MRPL42: variants seen among roughly 807,000 people sequenced by gnomAD.
MRPL42 encodes mitochondrial ribosomal protein L42.
MRPL42 carries 17 observed loss-of-function variants against 17.9 expected under a neutral mutation model. That is an observed-to-expected ratio of 0.95 (90% confidence interval 0.65 to 1.42). MRPL42 has a LOEUF of 1.42. Ranked by LOEUF, MRPL42 falls within the 40% of genes most tolerant of loss-of-function variation. The probability of loss-of-function intolerance (pLI) is 0.00; values close to 1 mark genes in which losing one functional copy is unlikely to be tolerated. For missense variants in MRPL42, 177 were observed against 175.2 expected, an observed-to-expected ratio of 1.01 and a Z score of -0.06; for synonymous variants, 59 against 54.4, an observed-to-expected ratio of 1.08 and a Z score of -0.37.
intron 3 of MRPL42, among the ~76,000 whole-genome samples, chr12:93,478,910 T>TTTTATTTA (rs142505304): frequency 0.012 from 1,086 of 91,468 alleles, 15 homozygotes; most frequent in African/African-American, 0.027. Flanking sequence ...TAATTTTAGC[T>TTTTATTTA]TTTATTTATT....
intron 5 of MRPL42, among the ~76,000 whole-genome samples, chr12:93,489,363 C>CG (rs1565815823): frequency 6.6e-6 from 1 of 151,766 alleles, no homozygotes; most frequent in Non-Finnish European, 1.5e-5. Flanking sequence ...CATAGCCCAT[C>CG]ATTTCCTGTC....
chr12:93,488,365 G>C (rs899605613), intron 5 of MRPL42: 19 of 398,058 alleles, frequency 4.8e-5, no homozygotes, highest in Non-Finnish European at 7.5e-5. Flanking sequence ...CCCTCAGCTG[G>C]GATTGTAAGA....
chr12:93,475,307 G>T (rs929868307), intron 2 of MRPL42, among the ~76,000 whole-genome samples: 3 of 151,704 alleles, frequency 2.0e-5, no homozygotes, highest in African/African-American at 7.3e-5. Flanking sequence ...ATAGAGAGGG[G>T]GTTTCACCAT....
Position 93,514,854 on chromosome 12 carries a change from A to T in MRPL42, c.*13633A>T, listed in dbSNP as rs1953764588. ...TAAAATGTATTACCCAGGACAACAT[A>T]TTTTTTTTTACTGTGGACAGTATAC... On this transcript the variant is annotated 3_prime_UTR_variant, in exon 6 of 6. Transcript: ENST00000549982. 6.6e-6 allele frequency: 1 copy of T among 151,130 alleles called. No homozygotes were observed. The highest frequency in any genetic ancestry group is 1.5e-5 in the Non-Finnish European group (1 of 67,804). 9.4% of individuals were successfully genotyped at this position (151,130 alleles called of 1,614,324 possible).
At position 93,469,183 on chromosome 12, in the gene MRPL42, C is replaced by A; in HGVS notation, c.-94-9C>A. 1 of 840,244 alleles carries A rather than the reference C, an allele frequency of 1.2e-6. No homozygotes were observed. The highest frequency in any genetic ancestry group is 1.9e-6 in the Non-Finnish European group (1 of 530,690). The allele number at this position is 840,244 out of a possible 1,614,324, so 52.0% of individuals were successfully genotyped here. ...AGGTAGCACTGATTTTTCTTTATCT[C>A]TTCAGCAGGAGTAGAAATTGGTATG... On this transcript the variant is annotated splice_polypyrimidine_tract_variant and intron_variant, in intron 1 of 5. Transcript: ENST00000549982.
At position 93,515,792 on chromosome 12, in the gene MRPL42, A is replaced by G. The variant is rs1175067872; in HGVS notation, c.*14571A>G. 5 of 152,240 alleles carry G rather than the reference A, an allele frequency of 3.3e-5. No individual in the cohort carries two copies. In the East Asian group the frequency reaches 5.8e-4, roughly 18 times the overall value. 9.4% of individuals were successfully genotyped at this position (152,240 alleles called of 1,614,324 possible). On this transcript the variant is annotated 3_prime_UTR_variant, in exon 6 of 6. Coordinates refer to ENST00000549982, the MANE Select transcript of MRPL42 (RefSeq NM_014050.4). ...AGGCTATGTTATTTTCCTATTGGGC[A>G]TAAGTCTCACAGAATACCAACATTA...
intron 2 of MRPL42, among the ~76,000 whole-genome samples, chr12:93,475,210 G>C (rs1403032576): frequency 2.6e-5 from 4 of 152,006 alleles, no homozygotes; most frequent in Admixed American, 1.3e-4. Flanking sequence ...TGCCTCCCGG[G>C]TTCAAGTGAT....
In MRPL42 at chr12:93,479,475, A is replaced by G; in HGVS notation, c.219+3A>G. ...ACATTCCATATGAACACACAAAAGT[A>G]TGTATGAGAAAATTTCTTGCAGTTT... On this transcript the variant is annotated splice_donor_region_variant and intron_variant, in intron 4 of 5. Transcript: ENST00000549982. 2 of 1,595,722 alleles carry G rather than the reference A, an allele frequency of 1.3e-6. No individual in the cohort carries two copies. Among genetic ancestry groups the G allele is most frequent in the East Asian group, 2.2e-5 (1 of 44,714 alleles).
intron 5 of MRPL42, among the ~76,000 whole-genome samples, chr12:93,490,522 G>A (rs1478787899): frequency 6.6e-6 from 1 of 152,160 alleles, no homozygotes; most frequent in Non-Finnish European, 1.5e-5. Flanking sequence ...ATATGCCTAT[G>A]TGTCATCACT....
Position 93,474,977 on chromosome 12 carries a change from C to G in MRPL42, c.71-1977C>G, listed in dbSNP as rs538456170. On this transcript the variant is annotated intron_variant, in intron 2 of 5. Transcript: ENST00000549982. Reference sequence around the variant, plus strand: ...CGGACATGGTGGGCGCCTGTAATCTCAGCTACTCGAGGGACTGAGGTAGGA... The same window carrying G: ...CGGACATGGTGGGCGCCTGTAATCTGAGCTACTCGAGGGACTGAGGTAGGA... 2.0e-5 allele frequency among the ~76,000 whole-genome samples: 3 copies of G among 152,182 alleles called. No homozygotes were observed. In the South Asian group the frequency reaches 6.2e-4, roughly 32 times the overall value.
chr12:93,488,439 T>C, intron 5 of MRPL42: 1 of 394,014 alleles, frequency 2.5e-6, no homozygotes, highest in Non-Finnish European at 4.5e-6. Context: ...ATAGTACTTC[T>C]TTTTTTCTTT....
intron 4 of MRPL42, among the ~76,000 whole-genome samples, chr12:93,486,786 CT>C (rs1217062760): frequency 1.3e-5 from 2 of 151,882 alleles, no homozygotes; most frequent in Non-Finnish European, 2.9e-5. Context: ...TACTTTATTA[CT>C]GCAGAAAATA....
intron 2 of MRPL42, among the ~76,000 whole-genome samples, chr12:93,470,913 T>C (rs1260163107): frequency 6.6e-6 from 1 of 152,252 alleles, no homozygotes; most frequent in Non-Finnish European, 1.5e-5. Flanking sequence ...CTGATAAACA[T>C]GCAAGTGCAG....
In MRPL42 at chr12:93,513,243, T is replaced by G. The variant is rs1953742318; in HGVS notation, c.*12022T>G. ...GTCTCATTCATTTTATTGCCCAGGC[T>G]GGAGTGCAGTGGTGCAATCGTAGCT... On this transcript the variant is annotated 3_prime_UTR_variant, in exon 6 of 6. Coordinates refer to ENST00000549982, the MANE Select transcript of MRPL42 (RefSeq NM_014050.4). 7.5e-6 allele frequency: 1 copy of G among 133,794 alleles called. No homozygotes were observed. The highest frequency in any genetic ancestry group is 2.9e-5 in the African/African-American group (1 of 34,606). The allele number at this position is 133,794 out of a possible 1,614,324, so 8.3% of individuals were successfully genotyped here.
Position 93,467,568 on chromosome 12 carries a change from T to A in MRPL42, c.-95+14T>A, listed in dbSNP as rs1879684780. 6.6e-6 allele frequency: 1 copy of A among 152,252 alleles called. No individual in the cohort carries two copies. Among genetic ancestry groups the A allele is most frequent in the South Asian group, 2.1e-4 (1 of 4,834 alleles). The allele number at this position is 152,252 out of a possible 1,614,324, so 9.4% of individuals were successfully genotyped here. On this transcript the variant is annotated intron_variant, in intron 1 of 5. Coordinates refer to ENST00000549982, the MANE Select transcript of MRPL42 (RefSeq NM_014050.4). ...GAAGCCGTCAAGGTAACCGCTTCCC[T>A]CTACTCCTCCTGTCGAGGACTTCCT...
At chr12:93,491,437 A>G (rs1024991652) in intron 5 of MRPL42, among the ~76,000 whole-genome samples, 2 of 152,120 alleles carry the variant, frequency 1.3e-5, no homozygotes, top group Admixed American at 6.6e-5. Flanking sequence ...TATTTTGCCT[A>G]TTTTTTAAAA....
chr12:93,473,765 G>A (rs796243222), intron 2 of MRPL42, among the ~76,000 whole-genome samples: 1 of 150,384 alleles, frequency 6.6e-6, no homozygotes, highest in African/African-American at 2.4e-5. Flanking sequence ...ATGGAGTTTT[G>A]CCATGTTGCC....
In MRPL42 at chr12:93,484,997, T is replaced by C. The variant is rs934571165; in HGVS notation, c.220-2500T>C. Among the ~76,000 whole-genome samples the C allele has an allele frequency of 8.3e-4, 53 of 63,510 alleles. 1 individual carries two copies. Among genetic ancestry groups the C allele is most frequent in the Non-Finnish European group, 9.7e-4 (35 of 36,004 alleles). The allele number at this position is 63,510 out of a possible 152,430, so 41.7% of individuals were successfully genotyped here. A position where few individuals can be genotyped will look rare whatever the true frequency, so the allele number is the denominator to read the frequency against. ...ACACACACATATATATATATATATA[T>C]ATATATATATATATATATATATATA... On this transcript the variant is annotated intron_variant, in intron 4 of 5. Transcript: ENST00000549982.
At chr12:93,472,444 T>C (rs1376578430) in intron 2 of MRPL42, among the ~76,000 whole-genome samples, 2 of 151,964 alleles carry the variant, frequency 1.3e-5, no homozygotes, top group Non-Finnish European at 2.9e-5. Context: ...GGCGAGGTGG[T>C]ACACGCCTGT....
Sources: gnomAD v4.1 joint callset for allele counts (sites outside exome capture counted in the v4.1 genomes callset) on GRCh38, gnomAD v4.1.1 for gene constraint, MANE v1.5 for transcripts, NCBI Gene and HGNC (gene_info 2026-07-23, HGNC 2026-07-21) for gene names.